Variants in VPS26A observed in about 807,000 individuals in gnomAD.
VPS26A encodes VPS26 retromer complex component A, also known as vacuolar protein sorting-associated protein 26A.
VPS26A carries 22 observed loss-of-function variants against 42.4 expected under a neutral mutation model. The ratio of observed to expected loss-of-function variants is 0.52; its 90% CI spans 0.37 to 0.74. The LOEUF (loss-of-function observed/expected upper bound fraction) is 0.74, where lower values mean the gene tolerates loss of function less well. Ranked by LOEUF, VPS26A falls within the 30% of genes least tolerant of loss-of-function variation. VPS26A has a pLI of 0.00. For missense variants in VPS26A, 276 were observed against 379.2 expected, an observed-to-expected ratio of 0.73 and a Z score of 2.26; for synonymous variants, 110 against 123.5, an observed-to-expected ratio of 0.89 and a Z score of 0.73.
At chr10:69,151,264 C>CAAAAAAAAAAAAAAAAAAAAAA (rs1192297497) in intron 2 of VPS26A, among the ~76,000 whole-genome samples, 9 of 30,406 alleles carry the variant, frequency 3.0e-4, no homozygotes, top group South Asian at 2.1e-3. Flanking sequence ...GACTCCATGT[C>CAAAAAAAAAAAAAAAAAAAAAA]AAAAAAAAAA....
intron 1 of VPS26A, among the ~76,000 whole-genome samples, chr10:69,124,900 T>C (rs2132175672): frequency 6.6e-6 from 1 of 152,362 alleles, no homozygotes; most frequent in South Asian, 2.1e-4. Flanking sequence ...GTTTTAAGCA[T>C]TGGCTCTCAT....
intron 2 of VPS26A, among the ~76,000 whole-genome samples, chr10:69,144,270 A>G (rs1190260369): frequency 1.3e-5 from 2 of 152,266 alleles, no homozygotes; most frequent in Admixed American, 6.5e-5. Flanking sequence ...ATTATTAACT[A>G]AAGTCCATAG....
chr10:69,146,403 A>T (rs1364796290), intron 2 of VPS26A, among the ~76,000 whole-genome samples: 3 of 152,172 alleles, frequency 2.0e-5, no homozygotes, highest in Non-Finnish European at 4.4e-5. Context: ...ATTCTTTTTT[A>T]AAAAAATTGT....
chr10:69,169,038 TTTTC>T (rs1439045333), intron 8 of VPS26A, among the ~76,000 whole-genome samples: 2 of 151,480 alleles, frequency 1.3e-5, no homozygotes, highest in African/African-American at 2.4e-5. Flanking sequence ...GCTTTTTTTT[TTTTC>T]TTACTGTTTT....
At chr10:69,142,725 T>C (rs1045068180) in intron 2 of VPS26A, among the ~76,000 whole-genome samples, 14 of 138,490 alleles carry the variant, frequency 1.0e-4, no homozygotes, top group African/African-American at 3.2e-4. Flanking sequence ...AAGAAAGCTT[T>C]CCCCCCACTA....
chr10:69,160,127 TACACACACACAC>T lies in VPS26A; in HGVS notation c.551+1946_551+1957del, dbSNP rs71035066. On this transcript the variant is annotated intron_variant, in intron 5 of 8. Transcript: ENST00000263559. ...CTTCCCTTCAGACTGACATAATTTT[TACACACACACAC>T]ACACACACACACACACACACACACA... is the stretch of plus-strand genomic sequence containing the variant. Among the ~76,000 whole-genome samples the T allele has an allele frequency of 1.6e-3, 244 of 148,452 alleles. 2 individuals are homozygous for T. The South Asian group carries it at 0.019, about 12-fold the overall frequency.
rs1004483956 is a variant in VPS26A at position 69,172,821 on chromosome 10, T to C, written c.*1552T>C. The C allele has an allele frequency of 6.6e-6, 1 of 152,608 alleles. No individual in the cohort carries two copies. The highest frequency in any genetic ancestry group is 2.4e-5 in the African/African-American group (1 of 41,464). 9.5% of individuals were successfully genotyped at this position (152,608 alleles called of 1,614,324 possible). A position where few individuals can be genotyped will look rare whatever the true frequency, so the allele number is the denominator to read the frequency against. ...CCAATTGTATTTAACCAGCCTCAAATTGTGCAACCATGATGTATAATAAAG... is the reference window on the plus strand; with the variant it reads ...CCAATTGTATTTAACCAGCCTCAAACTGTGCAACCATGATGTATAATAAAG... On this transcript the variant is annotated 3_prime_UTR_variant, in exon 9 of 9. Transcript: ENST00000263559.
In VPS26A at chr10:69,171,380, A is replaced by G; in HGVS notation, c.*111A>G. On this transcript the variant is annotated 3_prime_UTR_variant, in exon 9 of 9. Transcript: ENST00000263559. ...GGGGGCGGAAAAAGGCCAAAACTCC[A>G]TATATGTTAGTCTTCCTTTATCTTA... 1 of 793,274 alleles carries G rather than the reference A, an allele frequency of 1.3e-6. No homozygotes were observed. The highest frequency in any genetic ancestry group is 1.6e-5 in the South Asian group (1 of 60,868). The allele number at this position is 793,274 out of a possible 1,614,324, so 49.1% of individuals were successfully genotyped here.
intron 1 of VPS26A, among the ~76,000 whole-genome samples, chr10:69,126,426 T>G (rs887687425): frequency 6.6e-6 from 1 of 151,914 alleles, no homozygotes; most frequent in Non-Finnish European, 1.5e-5. Flanking sequence ...ATAAAAAAAT[T>G]AGGTGTGGCG....
intron 2 of VPS26A, among the ~76,000 whole-genome samples, chr10:69,138,903 C>T (rs1840980154): frequency 6.6e-6 from 1 of 152,192 alleles, no homozygotes; most frequent in African/African-American, 2.4e-5. Context: ...AACATTACCA[C>T]TATCAATATG....
At chr10:69,132,722 C>T (rs1272562885) in intron 1 of VPS26A, among the ~76,000 whole-genome samples, 176 bp from the exon 2 acceptor site, 1 of 152,038 alleles carries the variant, frequency 6.6e-6, no homozygotes, top group Non-Finnish European at 1.5e-5. Context: ...GGTTTACAGG[C>T]GTGAGACACC....
intron 2 of VPS26A, among the ~76,000 whole-genome samples, chr10:69,136,383 G>A (rs1216150177): frequency 4.0e-5 from 6 of 151,536 alleles, no homozygotes; most frequent in Non-Finnish European, 5.9e-5. Flanking sequence ...TCCTGCCTCA[G>A]CCTCCTGAGT....
chr10:69,137,482 G>C (rs1001323997), intron 2 of VPS26A, among the ~76,000 whole-genome samples: 5 of 152,160 alleles, frequency 3.3e-5, no homozygotes, highest in African/African-American at 9.7e-5. Context: ...TGTGCAGTAG[G>C]CTGTCTGTTC....
At chr10:69,125,044 C>T (rs1840620079) in intron 1 of VPS26A, among the ~76,000 whole-genome samples, 1 of 152,176 alleles carries the variant, frequency 6.6e-6, no homozygotes, top group African/African-American at 2.4e-5. Flanking sequence ...TGGTATTTAG[C>T]TGGGTGTCGG....
intron 2 of VPS26A, among the ~76,000 whole-genome samples, chr10:69,134,365 C>T (rs1196133891): frequency 4.6e-5 from 7 of 152,084 alleles, no homozygotes; most frequent in South Asian, 2.1e-4. Flanking sequence ...CATCGGTATA[C>T]GTAAATTTTT....
intron 8 of VPS26A, chr10:69,170,321 A>G (rs999840716): frequency 6.6e-6 from 1 of 152,230 alleles, no homozygotes; most frequent in African/African-American, 2.4e-5. Context: ...AATAAATTAC[A>G]TGATTTTTAC....
At chr10:69,167,154 G>C (rs1304350504) in intron 7 of VPS26A, among the ~76,000 whole-genome samples, 2 of 145,020 alleles carry the variant, frequency 1.4e-5, no homozygotes, top group Non-Finnish European at 3.0e-5. Context: ...CAGGGGCCGG[G>C]CGTGGTGGCT....
At chr10:69,137,089 C>G (rs1370405329) in intron 2 of VPS26A, among the ~76,000 whole-genome samples, 1 of 152,280 alleles carries the variant, frequency 6.6e-6, no homozygotes, top group Admixed American at 6.5e-5. Flanking sequence ...CGTGCCTGGC[C>G]TTTGGCGTGT....
At chr10:69,153,464 C>G (rs1841365234) in intron 2 of VPS26A, among the ~76,000 whole-genome samples, 1 of 151,868 alleles carries the variant, frequency 6.6e-6, no homozygotes, top group African/African-American at 2.4e-5. Context: ...CTGCCACAGT[C>G]TCCCTAGTAG....
Sources: allele counts gnomAD v4.1 joint callset (sites outside exome capture counted in the v4.1 genomes callset), GRCh38; gene constraint gnomAD v4.1.1; transcripts MANE v1.5; gene names NCBI Gene and HGNC (gene_info 2026-07-23, HGNC 2026-07-21).